The following PGM2 variants were observed in gnomAD, a reference collection of about 807,000 sequenced individuals.
The protein encoded by PGM2 is phosphopentomutase.
Under a neutral mutation model 74.6 loss-of-function variants are expected in PGM2, and 57 were observed. The ratio of observed to expected loss-of-function variants is 0.76; its 90% CI spans 0.62 to 0.95. The LOEUF is 0.95. PGM2 is among the 40% of genes least tolerant of loss of function. The pLI is 0.00. For synonymous variants in PGM2, 273 were observed against 260.7 expected, an observed-to-expected ratio of 1.05 and a Z score of -0.46; for missense variants, 706 against 741.9, an observed-to-expected ratio of 0.95 and a Z score of 0.56.
intron 1 of PGM2, among the ~76,000 whole-genome samples, chr4:37,827,637 T>A (rs1165007964): frequency 2.6e-5 from 4 of 152,166 alleles, no homozygotes; most frequent in African/African-American, 9.7e-5. Context: ...TTAAATTATT[T>A]ATCCCTAATA....
At position 37,857,250 on chromosome 4, in the gene PGM2, G is replaced by A. The variant is rs546487145; in HGVS notation, c.1736+1509G>A. On this transcript the variant is annotated intron_variant, in intron 13 of 13. Transcript: ENST00000381967. ...TAGTAGCCACATGTGTCTAATGGCC[G>A]CTGTAGTAAACAGCACCCATCTAGG... is the stretch of plus-strand genomic sequence containing the variant. Among the ~76,000 whole-genome samples, 20 of 152,226 alleles carry A rather than the reference G, an allele frequency of 1.3e-4. No individual in the cohort carries two copies. The South Asian group carries it at 3.5e-3, about 27-fold the overall frequency.
At chr4:37,854,148 G>A (rs1025920027) in intron 12 of PGM2, among the ~76,000 whole-genome samples, 2 of 152,038 alleles carry the variant, frequency 1.3e-5, no homozygotes, top group African/African-American at 2.4e-5. Flanking sequence ...TGACTTGTGC[G>A]ATCGGTTGGC....
intron 3 of PGM2, 60 bp downstream of exon 3, chr4:37,834,784 T>G (rs1725524347): frequency 2.5e-6 from 2 of 800,088 alleles, no homozygotes; most frequent in East Asian, 5.1e-5. Context: ...TTTATTTTAA[T>G]CACCATCTCA....
chr4:37,856,929 A>C lies in PGM2; in HGVS notation c.1736+1188A>C, dbSNP rs774326288. On this transcript the variant is annotated intron_variant, in intron 13 of 13. Coordinates refer to ENST00000381967, the MANE Select transcript of PGM2 (RefSeq NM_018290.4). ...ATAATCAGTATAAATATTATTAATG[A>C]GATGTTTTACATTCTTTTTTTTTCC... 1.2e-3 allele frequency among the ~76,000 whole-genome samples: 188 copies of C among 152,298 alleles called. 3 individuals are homozygous for C. The highest frequency in any genetic ancestry group is 2.2e-3 in the Admixed American group (33 of 15,276).
intron 1 of PGM2, among the ~76,000 whole-genome samples, chr4:37,828,379 A>C (rs547135324): frequency 2.0e-5 from 3 of 149,344 alleles, no homozygotes; most frequent in African/African-American, 5.0e-5. Context: ...CTCATGTTCT[A>C]TCCTCTGTTA....
At position 37,853,359 on chromosome 4, in the gene PGM2, CTTT is replaced by C. The variant is rs11358189; in HGVS notation, c.1603-2228_1603-2226del. On this transcript the variant is annotated intron_variant, in intron 12 of 13. Transcript: ENST00000381967. The stretch of plus-strand genomic sequence containing the variant: ...TGCTGTGTTGCCCAGGGTGATATTC[CTTT>C]TTTTTTTTTTTTTTTTTTTTAATGT... Among the ~76,000 whole-genome samples the C allele has an allele frequency of 0.017, 2,113 of 125,032 alleles. 87 individuals are homozygous for C. The East Asian group carries it at 0.18, about 10-fold the overall frequency. The allele number at this position is 125,032 out of a possible 152,430, so 82.0% of individuals were successfully genotyped here.
At position 37,835,227 on chromosome 4, in the gene PGM2, C is replaced by T. The variant is rs527429851; in HGVS notation, c.356+503C>T. On this transcript the variant is annotated intron_variant, in intron 3 of 13. Coordinates refer to ENST00000381967, the MANE Select transcript of PGM2 (RefSeq NM_018290.4). ...TTTACTCATTCTATCCTCACAGCAA[C>T]GTGTAAGGTATGTACTTTTATCTCT... Among the ~76,000 whole-genome samples the T allele has an allele frequency of 2.6e-5, 4 of 152,128 alleles. 1 individual carries two copies. Among genetic ancestry groups the T allele is most frequent in the African/African-American group, 4.8e-5 (2 of 41,422 alleles).
intron 13 of PGM2, among the ~76,000 whole-genome samples, chr4:37,860,856 G>C (rs1711746389): frequency 6.6e-6 from 1 of 152,076 alleles, no homozygotes; most frequent in Non-Finnish European, 1.5e-5. Flanking sequence ...CTGAAAACTT[G>C]ATTTTCTTAA....
At chr4:37,844,945 G>A (rs556918104) in intron 7 of PGM2, among the ~76,000 whole-genome samples, 79 of 149,188 alleles carry the variant, frequency 5.3e-4, no homozygotes, top group African/African-American at 1.9e-3. Flanking sequence ...TCCAGCCTGG[G>A]TGACAGGGTG....
At chr4:37,839,155 G>A (rs1345515863) in intron 4 of PGM2, among the ~76,000 whole-genome samples, 1 of 102,194 alleles carries the variant, frequency 9.8e-6, no homozygotes, top group African/African-American at 3.8e-5. Context: ...TTTCGCTCTT[G>A]TCTCCCAGGC....
At chr4:37,851,048 C>T (rs1423629353) in intron 12 of PGM2, among the ~76,000 whole-genome samples, 4 of 150,806 alleles carry the variant, frequency 2.7e-5, no homozygotes, top group Non-Finnish European at 4.4e-5. Context: ...TCATTTCGCA[C>T]CTTAGGCAAT....
chr4:37,837,731 T>C, intron 4 of PGM2, 118 bp downstream of exon 4: 1 of 734,730 alleles, frequency 1.4e-6, no homozygotes, highest in Admixed American at 1.9e-5. Flanking sequence ...AGGAGTTCCT[T>C]GGCATGTATG....
rs371219089 is a variant in PGM2, at chr4:37,827,373, C to T, written c.81+560C>T. On this transcript the variant is annotated intron_variant, in intron 1 of 13. Coordinates refer to ENST00000381967, the MANE Select transcript of PGM2 (RefSeq NM_018290.4). ...AACTTTGACTGCCAGGGAGGCACAC[C>T]TGGGACACAGCACGGTTTTCTCTCT... is the stretch of plus-strand genomic sequence containing the variant. 7.9e-5 allele frequency among the ~76,000 whole-genome samples: 12 copies of T among 152,312 alleles called. No individual in the cohort carries two copies. The South Asian group carries it at 1.0e-3, about 13-fold the overall frequency.
In PGM2 at chr4:37,834,641, A is replaced by G; in HGVS notation, c.273A>G (p.Lys91=). ...TTQGFCRYLE[K]QFSDLKQKGI... Reference sequence around the variant, plus strand: ...AGGGATTTTGCAGATACCTGGAAAAACAATTCAGTGACTTAAAGCAGAAAG... The same window carrying G: ...AGGGATTTTGCAGATACCTGGAAAAGCAATTCAGTGACTTAAAGCAGAAAG... Residue 91 remains lysine (K), a synonymous_variant, in exon 3 of 14, where the codon AAA becomes AAG. Coordinates refer to ENST00000381967, the MANE Select transcript of PGM2 (RefSeq NM_018290.4). 1.9e-6 allele frequency: 3 copies of G among 1,591,826 alleles called. No individual in the cohort carries two copies. Among genetic ancestry groups the G allele is most frequent in the Non-Finnish European group, 2.6e-6 (3 of 1,162,104 alleles).
At position 37,840,048 on chromosome 4, in the gene PGM2, T is replaced by C. The variant is rs766409700; in HGVS notation, c.526-18T>C. ...CCATTAACTGTAAACCTTCTGAATGTGTTCCTGGGTCCTCTAGGTCTATTG... is the reference window on the plus strand; with the variant it reads ...CCATTAACTGTAAACCTTCTGAATGCGTTCCTGGGTCCTCTAGGTCTATTG... On this transcript the variant is annotated intron_variant, in intron 5 of 13. Coordinates refer to ENST00000381967, the MANE Select transcript of PGM2 (RefSeq NM_018290.4). 1 of 1,601,584 alleles carries C rather than the reference T, an allele frequency of 6.2e-7. No individual in the cohort carries two copies. The highest frequency in any genetic ancestry group is 1.1e-5 in the South Asian group (1 of 90,640).
intron 8 of PGM2, 111 bp downstream of exon 8, chr4:37,845,841 T>A (rs1350361442): frequency 1.4e-6 from 1 of 722,466 alleles, no homozygotes. Context: ...CCCATTTATT[T>A]TGCAAATGAT....
At chr4:37,834,267 TC>T (rs1725507230) in intron 2 of PGM2, among the ~76,000 whole-genome samples, 1 of 151,776 alleles carries the variant, frequency 6.6e-6, no homozygotes, top group East Asian at 1.9e-4. Flanking sequence ...ACCCAGGAAT[TC>T]AAGGTTGCAG....
At chr4:37,844,963 G>A (rs529788199) in intron 7 of PGM2, among the ~76,000 whole-genome samples, 3 of 131,148 alleles carry the variant, frequency 2.3e-5, no homozygotes, top group Non-Finnish European at 3.2e-5. Context: ...GTGACAGAGC[G>A]AGACTTTGTC....
At chr4:37,850,591 A>G (rs1473831262) in intron 12 of PGM2, among the ~76,000 whole-genome samples, 2 of 152,162 alleles carry the variant, frequency 1.3e-5, no homozygotes, top group African/African-American at 4.8e-5. Flanking sequence ...ACTTGAGATC[A>G]GGAGTTCGAG....
Sources: allele counts gnomAD v4.1 joint callset (sites outside exome capture counted in the v4.1 genomes callset), GRCh38; gene constraint gnomAD v4.1.1; transcripts MANE v1.5; gene names NCBI Gene and HGNC (gene_info 2026-07-23, HGNC 2026-07-21).